The following ZSCAN25 variants were observed in gnomAD, a reference collection of about 807,000 sequenced individuals.
ZSCAN25 encodes zinc finger and SCAN domain-containing protein 25.
A neutral mutation model predicts 38.7 loss-of-function variants in ZSCAN25; 27 were observed. The ratio of observed to expected loss-of-function variants is 0.70; its 90% CI spans 0.51 to 0.96. ZSCAN25 has a LOEUF of 0.96. Ranked by LOEUF, ZSCAN25 falls within the 40% of genes least tolerant of loss-of-function variation. ZSCAN25 has a pLI of 0.00. For missense variants in ZSCAN25, 637 were observed against 705.9 expected (o/e 0.90, Z 1.11); for synonymous variants, 273 against 277.7 (o/e 0.98, Z 0.17).
chr7:99,708,056 C>A, the ZSCAN25 span: 54 of 1,590,680 alleles, frequency 3.4e-5, no homozygotes, highest in African/African-American at 4.4e-4. Flanking sequence ...TTACTTAGGG[C>A]CCACCCCTCT....
chr7:99,721,657 A>G, the ZSCAN25 span, among the ~76,000 whole-genome samples: 1 of 152,208 alleles, frequency 6.6e-6, no homozygotes, highest in Non-Finnish European at 1.5e-5. Flanking sequence ...ACACCTGGTG[A>G]CATATGGGAT....
chr7:99,704,644 T>C, the ZSCAN25 span, among the ~76,000 whole-genome samples: 1 of 151,934 alleles, frequency 6.6e-6, no homozygotes, highest in East Asian at 1.9e-4. Flanking sequence ...GGCAAAGTCA[T>C]AGTGGGTTAA....
the ZSCAN25 span, among the ~76,000 whole-genome samples, chr7:99,674,986 T>G: frequency 6.6e-6 from 1 of 152,248 alleles, no homozygotes; most frequent in Non-Finnish European, 1.5e-5. Flanking sequence ...TTTTTTAATC[T>G]CCTCCATCAG....
the ZSCAN25 span, among the ~76,000 whole-genome samples, chr7:99,736,664 A>G: frequency 3.3e-5 from 5 of 152,284 alleles, no homozygotes; most frequent in South Asian, 2.1e-4. Context: ...GTGCTTGTTC[A>G]CTTCCTTCTC....
intron 4 of ZSCAN25, chr7:99,621,110 T>C (rs1196694208): frequency 8.3e-5 from 26 of 314,816 alleles, no homozygotes; most frequent in Non-Finnish European, 2.9e-5. Context: ...CAGGATAATA[T>C]TTGGGCTTGG....
At chr7:99,737,885 G>A in the ZSCAN25 span, among the ~76,000 whole-genome samples, 2 of 152,208 alleles carry the variant, frequency 1.3e-5, no homozygotes, top group African/African-American at 4.8e-5. Flanking sequence ...TAATTCCACA[G>A]AAAGTAACAT....
chr7:99,657,457 A>G, the ZSCAN25 span, among the ~76,000 whole-genome samples: 8 of 152,194 alleles, frequency 5.3e-5, no homozygotes, highest in Non-Finnish European at 1.2e-4. Context: ...ACAGTTTGTT[A>G]TAATGTCTGT....
At chr7:99,682,216 C>T in the ZSCAN25 span, among the ~76,000 whole-genome samples, 25 of 152,254 alleles carry the variant, frequency 1.6e-4, no homozygotes, top group Middle Eastern at 3.4e-3. Context: ...GTGATACACC[C>T]GCCTCGGCCT....
the ZSCAN25 span, chr7:99,671,592 A>G: frequency 2.3e-6 from 1 of 433,586 alleles, no homozygotes; most frequent in Non-Finnish European, 4.1e-6. Flanking sequence ...ATTAACACAA[A>G]ATGGGTAATA....
At chr7:99,666,026 TC>T in the ZSCAN25 span, among the ~76,000 whole-genome samples, 31 of 152,362 alleles carry the variant, frequency 2.0e-4, no homozygotes, top group East Asian at 5.8e-3. Context: ...CACCTGTCGT[TC>T]CTGCATAATT....
chr7:99,713,591 T>A, the ZSCAN25 span: 2 of 1,610,854 alleles, frequency 1.2e-6, no homozygotes, highest in Non-Finnish European at 1.7e-6. Context: ...AGTCAGAAGT[T>A]AATCAGAAGT....
At chr7:99,626,454 G>A (rs1191016571) in intron 7 of ZSCAN25, among the ~76,000 whole-genome samples, 1 of 152,198 alleles carries the variant, frequency 6.6e-6, no homozygotes, top group East Asian at 1.9e-4. Context: ...TGTAGGCACT[G>A]GGGTAAGAGC....
the ZSCAN25 span, chr7:99,714,476 G>T: frequency 6.3e-7 from 1 of 1,578,506 alleles, no homozygotes. Context: ...AAACATACAG[G>T]GAAGTGCACC....
At chr7:99,695,723 AGAGT>A in the ZSCAN25 span, 1 of 1,597,290 alleles carries the variant, frequency 6.3e-7, no homozygotes, top group African/African-American at 1.3e-5. Context: ...AAGAAGCCAA[AGAGT>A]GAGCTCAAAA....
the ZSCAN25 span, among the ~76,000 whole-genome samples, chr7:99,672,053 T>C: frequency 6.6e-6 from 1 of 152,132 alleles, no homozygotes; most frequent in African/African-American, 2.4e-5. Flanking sequence ...TTGTTGTTGT[T>C]GTTGTTGTTG....
the ZSCAN25 span, chr7:99,648,315 C>T: frequency 6.2e-7 from 1 of 1,612,874 alleles, no homozygotes; most frequent in Non-Finnish European, 8.5e-7. Context: ...TCATTCTCCA[C>T]TTAGGGTTCC....
chr7:99,695,902 A>T, the ZSCAN25 span: 1 of 1,423,106 alleles, frequency 7.0e-7, no homozygotes, highest in Non-Finnish European at 9.8e-7. Flanking sequence ...GGGGCTGGTA[A>T]GTCACTGACT....
chr7:99,701,183 A>T, the ZSCAN25 span, among the ~76,000 whole-genome samples: 8 of 152,184 alleles, frequency 5.3e-5, no homozygotes, highest in African/African-American at 1.9e-4. Context: ...AGATCCCACA[A>T]ATAAGTGAGA....
At chr7:99,642,561 C>T in the ZSCAN25 span, among the ~76,000 whole-genome samples, 4 of 152,046 alleles carry the variant, frequency 2.6e-5, no homozygotes, top group Non-Finnish European at 5.9e-5. Flanking sequence ...GAAATATGAA[C>T]GAAAATAAAT....
Sources: allele counts gnomAD v4.1 joint callset (sites outside exome capture counted in the v4.1 genomes callset), GRCh38; gene constraint gnomAD v4.1.1; transcripts MANE v1.5; gene names NCBI Gene and HGNC (gene_info 2026-07-23, HGNC 2026-07-21).